The following SBNO1 variants were observed in gnomAD, a reference collection of about 807,000 sequenced individuals.
The protein encoded by SBNO1 is strawberry notch homolog 1.
SBNO1 carries 23 observed loss-of-function variants against 173.6 expected under a neutral mutation model. The ratio of observed to expected loss-of-function variants is 0.13; its 90% CI spans 0.10 to 0.19. The LOEUF (loss-of-function observed/expected upper bound fraction) is 0.19. Ranked by LOEUF, SBNO1 falls within the 10% of genes least tolerant of loss-of-function variation. SBNO1 has a pLI of 1.00. For missense variants in SBNO1, 1,238 were observed against 1,671.2 expected (o/e 0.74, Z 4.52); for synonymous variants, 632 against 571.5 (o/e 1.11, Z -1.51).
rs567235811 is a variant in SBNO1 at position 123,336,970 on chromosome 12, T to A, written c.652-479A>T. Reference sequence around the variant, plus strand: ...AGGCCTCTCAGTCTCACATTCCACCTTCTTCTCAGTTCACTTCTATTTGCC... The same window carrying A: ...AGGCCTCTCAGTCTCACATTCCACCATCTTCTCAGTTCACTTCTATTTGCC... On this transcript the variant is annotated intron_variant, in intron 5 of 31. Coordinates refer to ENST00000602398, the MANE Select transcript of SBNO1 (RefSeq NM_001167856.3). 9.8e-5 allele frequency among the ~76,000 whole-genome samples: 15 copies of A among 152,332 alleles called. No individual in the cohort carries two copies. The East Asian group carries it at 2.9e-3, about 29-fold the overall frequency.
chr12:123,364,374 C>T (rs1208051779), intron 1 of SBNO1: 3 of 985,164 alleles, frequency 3.0e-6, no homozygotes, highest in Middle Eastern at 1.0e-3. Flanking sequence ...AGCCGGCGTG[C>T]ACAGACCCTG....
At chr12:123,302,234 T>TCTAATATGA in intron 30 of SBNO1, among the ~76,000 whole-genome samples, 1 of 147,702 alleles carries the variant, frequency 6.8e-6, no homozygotes, top group Non-Finnish European at 1.5e-5. Flanking sequence ...CACCTGGCCT[T>TCTAATATGA]ATTGTTTTTT....
intron 1 of SBNO1, chr12:123,364,384 G>T (rs1038727882): frequency 1.3e-5 from 13 of 985,218 alleles, no homozygotes; most frequent in Non-Finnish European, 1.6e-5. Context: ...CACAGACCCT[G>T]CCCCGCGGTC....
At chr12:123,349,667 A>G (rs1323534572) in intron 2 of SBNO1, among the ~76,000 whole-genome samples, 1 of 152,228 alleles carries the variant, frequency 6.6e-6, no homozygotes, top group Non-Finnish European at 1.5e-5. Context: ...CTATAACCCC[A>G]GCACTTTGGG....
At chr12:123,302,388 G>C (rs1274365246) in intron 30 of SBNO1, among the ~76,000 whole-genome samples, 1 of 151,906 alleles carries the variant, frequency 6.6e-6, no homozygotes. Flanking sequence ...GATTACAGGT[G>C]CCTGCCATCA....
At chr12:123,332,624 T>G (rs1306488608) in intron 7 of SBNO1, among the ~76,000 whole-genome samples, 2 of 152,048 alleles carry the variant, frequency 1.3e-5, no homozygotes, top group African/African-American at 4.8e-5. Flanking sequence ...TGGAGTGCAG[T>G]GGCACAATCT....
chr12:123,350,433 C>A lies in SBNO1; in HGVS notation c.9G>T (p.Glu3Asp). ...CAGCAAGCAGTAAATCTTGCCCTGG[C>A]TCCACCATCTTTAAAGGGAAATATT... Reference protein sequence around the residue: MVEPGQDLLLAAL... With the variant: MVDPGQDLLLAAL... The change falls in exon 2 of 32, where the codon GAG (glutamate) becomes GAT (aspartate). Residue 3 changes from glutamate (E) to aspartate (D), a missense_variant. Transcript: ENST00000602398. The A allele has an allele frequency of 1.9e-6, 3 of 1,613,134 alleles. No homozygotes were observed. The highest frequency in any genetic ancestry group is 2.5e-6 in the Non-Finnish European group (3 of 1,179,200).
At chr12:123,302,632 G>T (rs1214560161) in intron 30 of SBNO1, among the ~76,000 whole-genome samples, 192 bp downstream of exon 30, 1 of 152,212 alleles carries the variant, frequency 6.6e-6, no homozygotes, top group Non-Finnish European at 1.5e-5. Context: ...CATCAGTGAA[G>T]AGTAAGGAGG....
At chr12:123,302,742 G>T in intron 30 of SBNO1, 82 bp downstream of exon 30, 1 of 856,552 alleles carries the variant, frequency 1.2e-6, no homozygotes, top group Non-Finnish European at 2.0e-6. Flanking sequence ...TAATTCATGA[G>T]GACATACTGA....
chr12:123,324,453 C>G (rs951920660), intron 15 of SBNO1, among the ~76,000 whole-genome samples: 6 of 151,616 alleles, frequency 4.0e-5, no homozygotes, highest in African/African-American at 1.5e-4. Context: ...TCTCCAGTAG[C>G]TGGGATTACA....
chr12:123,361,002 T>G (rs182405910), intron 1 of SBNO1, among the ~76,000 whole-genome samples: 22 of 152,130 alleles, frequency 1.4e-4, no homozygotes, highest in African/African-American at 5.1e-4. Flanking sequence ...TCCCAGCACT[T>G]TGGAAGGCCG....
intron 1 of SBNO1, chr12:123,364,221 G>A: frequency 1.0e-6 from 1 of 985,638 alleles, no homozygotes; most frequent in Non-Finnish European, 1.2e-6. Context: ...CGCGTCGCCT[G>A]CCTCCCTCCC....
In SBNO1 at chr12:123,309,306, G is replaced by C. The variant is rs370716657; in HGVS notation, c.3630+4C>G. On this transcript the variant is annotated splice_donor_region_variant and intron_variant, in intron 28 of 31. Coordinates refer to ENST00000602398, the MANE Select transcript of SBNO1 (RefSeq NM_001167856.3). ...CTGAATAGAATTTAAAGGAAAAGTC[G>C]TACTTGCAATGACAAGTAAAAGCCA... The C allele has an allele frequency of 6.2e-7, 1 of 1,605,068 alleles. No individual in the cohort carries two copies. The highest frequency in any genetic ancestry group is 1.1e-5 in the South Asian group (1 of 90,870).
chr12:123,302,026 C>T (rs1245346039), intron 30 of SBNO1, among the ~76,000 whole-genome samples: 1 of 152,006 alleles, frequency 6.6e-6, no homozygotes, highest in African/African-American at 2.4e-5. Context: ...CCACAACCTC[C>T]GCCTCCCGGG....
At position 123,291,239 on chromosome 12, in the gene SBNO1, G is replaced by A. The variant is rs1229817804; in HGVS notation, c.*4669C>T. On this transcript the variant is annotated 3_prime_UTR_variant, in exon 32 of 32. Coordinates refer to ENST00000602398, the MANE Select transcript of SBNO1 (RefSeq NM_001167856.3). Reference sequence around the variant, plus strand: ...CATAGGGAATTTGCTGCAGCAGCAGGCCAGAAACCACTGTTTCAAATCTGC... The same window carrying A: ...CATAGGGAATTTGCTGCAGCAGCAGACCAGAAACCACTGTTTCAAATCTGC... The A allele has an allele frequency of 6.6e-6, 1 of 152,170 alleles. No homozygotes were observed. Among genetic ancestry groups the A allele is most frequent in the Admixed American group, 6.5e-5 (1 of 15,282 alleles). The allele number at this position is 152,170 out of a possible 1,614,324, so 9.4% of individuals were successfully genotyped here. A position where few individuals can be genotyped will look rare whatever the true frequency, so the allele number is the denominator to read the frequency against.
At chr12:123,342,226 GGCA>G (rs1424805651) in intron 4 of SBNO1, among the ~76,000 whole-genome samples, 2 of 151,666 alleles carry the variant, frequency 1.3e-5, no homozygotes, top group Non-Finnish European at 2.9e-5. Context: ...CTCCAGCCTG[GGCA>G]ACAAGAGTAA....
chr12:123,310,963 T>C, intron 25 of SBNO1, 92 bp downstream of exon 25: 1 of 960,760 alleles, frequency 1.0e-6, no homozygotes, highest in Non-Finnish European at 1.6e-6. Flanking sequence ...TTTAAGAACA[T>C]GAAGCTTCCC....
At chr12:123,355,076 A>G (rs975384212) in intron 1 of SBNO1, among the ~76,000 whole-genome samples, 7 of 151,836 alleles carry the variant, frequency 4.6e-5, no homozygotes, top group African/African-American at 9.7e-5. Flanking sequence ...GCTGGAGTGC[A>G]GTGGCGCGAT....
At chr12:123,305,887 A>G (rs890827731) in intron 28 of SBNO1, among the ~76,000 whole-genome samples, 1 of 152,194 alleles carries the variant, frequency 6.6e-6, no homozygotes, top group Non-Finnish European at 1.5e-5. Context: ...TCTTCTTTAT[A>G]AAGACTGAAC....
Sources: allele counts gnomAD v4.1 joint callset (sites outside exome capture counted in the v4.1 genomes callset), GRCh38; gene constraint gnomAD v4.1.1; transcripts MANE v1.5; gene names NCBI Gene and HGNC (gene_info 2026-07-23, HGNC 2026-07-21).